The following COL4A1 variants were observed in gnomAD, a reference collection of about 807,000 sequenced individuals.
COL4A1 encodes the protein collagen alpha-1(IV) chain.
Under a neutral mutation model 216.6 loss-of-function variants are expected in COL4A1, and 40 were observed. The ratio of observed to expected loss-of-function variants is 0.18; its 90% CI spans 0.14 to 0.24. The LOEUF (loss-of-function observed/expected upper bound fraction) is 0.24, where lower values mean the gene tolerates loss of function less well. COL4A1 is among the 10% of genes least tolerant of loss of function. COL4A1 has a pLI of 1.00. For missense variants in COL4A1, 1,628 were observed against 2,196.8 expected, an observed-to-expected ratio of 0.74 and a Z score of 5.18; for synonymous variants, 839 against 810.7, an observed-to-expected ratio of 1.03 and a Z score of -0.59.
Position 110,151,486 on chromosome 13 carries a change from T to C in COL4A1, c.4928+848A>G, listed in dbSNP as rs187166361. Reference sequence around the variant, plus strand: ...CCACCAGTTAGGCACGCGGCACTTTTTGGATGAGTAACGAATTAGAGAAGC... The same window carrying C: ...CCACCAGTTAGGCACGCGGCACTTTCTGGATGAGTAACGAATTAGAGAAGC... On this transcript the variant is annotated intron_variant, in intron 51 of 51. Transcript: ENST00000375820. 1.8e-3 allele frequency among the ~76,000 whole-genome samples: 279 copies of C among 152,356 alleles called. 1 individual carries two copies. The highest frequency in any genetic ancestry group is 6.8e-3 in the Middle Eastern group (2 of 294).
chr13:110,209,481 A>G, intron 10 of COL4A1, 54 bp from the exon 11 acceptor site: 2 of 1,271,620 alleles, frequency 1.6e-6, no homozygotes, highest in Non-Finnish European at 1.1e-6. Context: ...GGGAGCTTTA[A>G]GCCCTTCTTC....
chr13:110,256,584 G>C (rs112972174), intron 1 of COL4A1, among the ~76,000 whole-genome samples: 1 of 152,208 alleles, frequency 6.6e-6, no homozygotes, highest in Non-Finnish European at 1.5e-5. Flanking sequence ...ATGGAAATGA[G>C]AACGTGCACA....
chr13:110,251,575 C>A (rs1015870935), intron 1 of COL4A1, among the ~76,000 whole-genome samples: 9 of 152,236 alleles, frequency 5.9e-5, no homozygotes, highest in Admixed American at 5.2e-4. Context: ...AAAACGTGGG[C>A]TGCAAGGGAG....
At chr13:110,274,425 C>G (rs538476435) in intron 1 of COL4A1, among the ~76,000 whole-genome samples, 38 of 152,282 alleles carry the variant, frequency 2.5e-4, no homozygotes, top group African/African-American at 8.7e-4. Flanking sequence ...CAAATCAAAG[C>G]ACACAGCCCT....
chr13:110,259,786 G>C (rs1594098685), intron 1 of COL4A1, among the ~76,000 whole-genome samples: 1 of 152,230 alleles, frequency 6.6e-6, no homozygotes. Context: ...GACCAAGAAA[G>C]GAAGTGGGAG....
chr13:110,233,445 C>T (rs1428773758), intron 2 of COL4A1, among the ~76,000 whole-genome samples: 1 of 152,112 alleles, frequency 6.6e-6, no homozygotes, highest in East Asian at 1.9e-4. Flanking sequence ...GTGTCAAAGT[C>T]AGATACTTTG....
At chr13:110,161,026 A>G in intron 49 of COL4A1, 166 bp downstream of exon 49, 1 of 823,620 alleles carries the variant, frequency 1.2e-6, no homozygotes, top group Non-Finnish European at 1.9e-6. Flanking sequence ...TTTTATGTCA[A>G]ATAATTTTTA....
intron 2 of COL4A1, among the ~76,000 whole-genome samples, chr13:110,231,037 A>C (rs1419148092): frequency 6.6e-6 from 1 of 151,902 alleles, no homozygotes; most frequent in African/African-American, 2.4e-5. Context: ...CATCCATAAA[A>C]CTCCAAGAAC....
intron 2 of COL4A1, among the ~76,000 whole-genome samples, chr13:110,231,242 C>T (rs190528911): frequency 6.6e-6 from 1 of 152,346 alleles, no homozygotes; most frequent in East Asian, 1.9e-4. Flanking sequence ...AACAGTTTCA[C>T]ACTCATGGAG....
chr13:110,169,827 G>T, intron 42 of COL4A1, 65 bp from the exon 43 acceptor site: 2 of 1,603,488 alleles, frequency 1.2e-6, no homozygotes. Context: ...TGGGCTGTGG[G>T]GCTATCAATA....
chr13:110,180,582 C>A lies in COL4A1; in HGVS notation c.2193+710G>T, dbSNP rs556037536. The stretch of plus-strand genomic sequence containing the variant: ...GTACCAATGCCTTCTGGCAATTTCA[C>A]ATTGGTTCCTTACAATCAGGACAGG... On this transcript the variant is annotated intron_variant, in intron 29 of 51. Transcript: ENST00000375820. Among the ~76,000 whole-genome samples the A allele has an allele frequency of 2.0e-4, 31 of 152,396 alleles. No homozygotes were observed. The South Asian group carries it at 6.4e-3, about 32-fold the overall frequency.
In COL4A1 at chr13:110,211,327, G is replaced by A. The variant is rs1479620121; in HGVS notation, c.468+320C>T. 6.6e-6 allele frequency among the ~76,000 whole-genome samples: 1 copy of A among 152,212 alleles called. No homozygotes were observed. Among genetic ancestry groups the A allele is most frequent in the Non-Finnish European group, 1.5e-5 (1 of 68,044 alleles). On this transcript the variant is annotated intron_variant, in intron 8 of 51. Coordinates refer to ENST00000375820, the MANE Select transcript of COL4A1 (RefSeq NM_001845.6). This position sits in a 1 kb window ranked among gnomAD's most constrained non-coding sequence, Gnocchi z 4.3. ...AAAGCTGCCCCAGGTTCCCTCCTGG[G>A]AAGTCTGAGAGGCACCCAGGGAGCC...
At position 110,253,784 on chromosome 13, in the gene COL4A1, CGT is replaced by C. The variant is rs1566419140; in HGVS notation, c.85-11052_85-11051del. The stretch of plus-strand genomic sequence containing the variant: ...TATACGTATGTATGTATTATATATA[CGT>C]ATAATTATACGTATATATGTATAAT... On this transcript the variant is annotated intron_variant, in intron 1 of 51. Transcript: ENST00000375820. Among the ~76,000 whole-genome samples the C allele has an allele frequency of 2.3e-3, 207 of 88,876 alleles. 2 individuals are homozygous for C. Among genetic ancestry groups the C allele is most frequent in the African/African-American group, 3.6e-3 (111 of 30,414 alleles). The allele number at this position is 88,876 out of a possible 152,430, so 58.3% of individuals were successfully genotyped here. A position where few individuals can be genotyped will look rare whatever the true frequency, so the allele number is the denominator to read the frequency against.
At chr13:110,210,328 AT>A in intron 8 of COL4A1, 116 bp from the exon 9 acceptor site, 1 of 953,456 alleles carries the variant, frequency 1.0e-6, no homozygotes, top group Non-Finnish European at 1.7e-6. Context: ...TAAGTCTGGG[AT>A]TTAGACCCCG....
chr13:110,202,885 C>T (rs1194983491), intron 18 of COL4A1, among the ~76,000 whole-genome samples: 1 of 152,154 alleles, frequency 6.6e-6, no homozygotes, highest in Non-Finnish European at 1.5e-5. Context: ...GTTTCTCTTA[C>T]AAAAATTTTC....
rs1566406564 is a variant in COL4A1 at position 110,242,662 on chromosome 13, T to C, written c.144+13A>G. ...CACAAAGAAATGTTGTGATTTAAATTTCGGCAACTCACCTTTTGTCCCTTC... is the reference window on the plus strand; with the variant it reads ...CACAAAGAAATGTTGTGATTTAAATCTCGGCAACTCACCTTTTGTCCCTTC... On this transcript the variant is annotated intron_variant, in intron 2 of 51. Coordinates refer to ENST00000375820, the MANE Select transcript of COL4A1 (RefSeq NM_001845.6). 1.9e-6 allele frequency: 3 copies of C among 1,614,168 alleles called. No individual in the cohort carries two copies. The highest frequency in any genetic ancestry group is 1.7e-6 in the Non-Finnish European group (2 of 1,179,974).
chr13:110,206,960 C>T, intron 13 of COL4A1, 69 bp from the exon 14 acceptor site: 1 of 1,447,898 alleles, frequency 6.9e-7, no homozygotes, highest in Non-Finnish European at 9.5e-7. Context: ...CTGCATTAAA[C>T]ACACAGCAGA....
At chr13:110,219,904 A>ATATATGTGTGTATATATATG (rs1566386118) in intron 2 of COL4A1, among the ~76,000 whole-genome samples, 7 of 122,366 alleles carry the variant, frequency 5.7e-5, no homozygotes, top group Admixed American at 4.4e-4. Flanking sequence ...ATATATATGT[A>ATATATGTGTGTATATATATG]TATATATGTG....
intron 1 of COL4A1, among the ~76,000 whole-genome samples, chr13:110,290,962 G>A (rs1056207722): frequency 2.6e-5 from 4 of 152,204 alleles, no homozygotes; most frequent in Non-Finnish European, 4.4e-5. Context: ...GCGATTGCAC[G>A]TCCCCCAGGG....
Sources: allele counts gnomAD v4.1 joint callset (sites outside exome capture counted in the v4.1 genomes callset), GRCh38; gene constraint gnomAD v4.1.1; non-coding constraint Gnocchi (gnomAD v3.1); transcripts MANE v1.5; gene names NCBI Gene and HGNC (gene_info 2026-07-23, HGNC 2026-07-21).